The following SRPK2 variants were observed in gnomAD, a reference collection of about 807,000 sequenced individuals.
SRPK2 encodes SFRS protein kinase 2.
Under a neutral mutation model 90.8 loss-of-function variants are expected in SRPK2, and 21 were observed. The ratio of observed to expected loss-of-function variants is 0.23; its 90% CI spans 0.16 to 0.33. The LOEUF (loss-of-function observed/expected upper bound fraction) is 0.33. Ranked by LOEUF, SRPK2 falls within the 10% of genes least tolerant of loss-of-function variation. SRPK2 has a pLI of 1.00. For missense variants in SRPK2, 620 were observed against 869.0 expected (o/e 0.71, Z 3.60); for synonymous variants, 288 against 311.1 (o/e 0.93, Z 0.78).
chr7:105,284,474 A>T (rs1807790903), intron 2 of SRPK2, among the ~76,000 whole-genome samples: 1 of 152,228 alleles, frequency 6.6e-6, no homozygotes, highest in Admixed American at 6.5e-5. Flanking sequence ...CCTACTTTTA[A>T]GTATGGCAGA....
intron 6 of SRPK2, among the ~76,000 whole-genome samples, chr7:105,162,331 C>G (rs1807800103): frequency 1.3e-5 from 2 of 152,178 alleles, no homozygotes; most frequent in Non-Finnish European, 2.9e-5. Context: ...CATGAGCCAC[C>G]ACACCTGGCC....
intron 2 of SRPK2, among the ~76,000 whole-genome samples, chr7:105,351,494 AAAT>A (rs151317011): frequency 2.0e-5 from 3 of 150,626 alleles, no homozygotes; most frequent in South Asian, 4.2e-4. Flanking sequence ...TCCGTCTCAA[AAAT>A]AATAATAATA....
intron 3 of SRPK2, among the ~76,000 whole-genome samples, chr7:105,171,304 G>A (rs893103602): frequency 6.6e-6 from 1 of 152,054 alleles, no homozygotes; most frequent in East Asian, 1.9e-4. Context: ...GGACATTCCT[G>A]GGTATAAAAT....
rs199877861 is a variant in SRPK2, at chr7:105,143,111, C to T, written c.1033G>A (p.Ala345Thr). ...KLKTTGLEEA[A>T]EAETAKDNGE... ...TTGTCCTTTGCAGTCTCTGCCTCAG[C>T]CGCCTCCTCTAATCCTGTTGTTTTT... is the stretch of plus-strand genomic sequence containing the variant. The change falls in exon 10 of 16, where the codon GCT becomes ACT. Residue 345 changes from alanine to threonine, a missense_variant. By Grantham distance (58) the Ala-to-Thr change is moderately conservative (BLOSUM62 0). This residue lies in a region of SRPK2 where 243 missense variants were observed against 245.7 expected (regional missense o/e 0.99). Coordinates refer to ENST00000393651, the MANE Select transcript of SRPK2 (RefSeq NM_182692.3). 3.8e-5 allele frequency: 62 copies of T among 1,614,034 alleles called. No individual in the cohort carries two copies. Among genetic ancestry groups the T allele is most frequent in the Non-Finnish European group, 5.2e-5 (61 of 1,180,008 alleles).
intron 7 of SRPK2, among the ~76,000 whole-genome samples, chr7:105,154,186 C>T (rs932164198): frequency 2.6e-5 from 4 of 152,190 alleles, no homozygotes; most frequent in African/African-American, 9.7e-5. Flanking sequence ...TTCTGAATGT[C>T]ATCAGGAAGA....
intron 2 of SRPK2, among the ~76,000 whole-genome samples, chr7:105,311,152 A>C (rs1162719068): frequency 1.3e-5 from 2 of 152,248 alleles, no homozygotes; most frequent in Non-Finnish European, 2.9e-5. Context: ...TATATCTGAT[A>C]AGGGTCAAGA....
At chr7:105,181,397 T>C (rs1792782703) in intron 3 of SRPK2, among the ~76,000 whole-genome samples, 1 of 152,198 alleles carries the variant, frequency 6.6e-6, no homozygotes, top group Non-Finnish European at 1.5e-5. Flanking sequence ...ACTGTTCTAC[T>C]GTAAAGACAC....
intron 3 of SRPK2, among the ~76,000 whole-genome samples, chr7:105,194,363 CAAAAAAGAA>C (rs538142557): frequency 9.8e-4 from 149 of 151,912 alleles, no homozygotes; most frequent in African/African-American, 3.5e-3. Flanking sequence ...AAGAATGAGG[CAAAAAAGAA>C]TAATAATTTA....
chr7:105,161,384 G>A (rs759924086), intron 6 of SRPK2, among the ~76,000 whole-genome samples: 13 of 152,064 alleles, frequency 8.5e-5, no homozygotes, highest in Non-Finnish European at 1.8e-4. Flanking sequence ...TATGAATGGG[G>A]AACCAGCAGA....
At chr7:105,305,581 T>TA (rs144939292) in intron 2 of SRPK2, among the ~76,000 whole-genome samples, 2,521 of 152,316 alleles carry the variant, frequency 0.017, 75 homozygotes, top group African/African-American at 0.058. Flanking sequence ...CTTTAATTCT[T>TA]CTGTGTAATT....
chr7:105,149,069 C>T (rs1221677334), intron 7 of SRPK2, among the ~76,000 whole-genome samples: 1 of 152,162 alleles, frequency 6.6e-6, no homozygotes, highest in African/African-American at 2.4e-5. Context: ...CTGACCGTCC[C>T]CCAGCCCAAC....
At chr7:105,340,303 A>T (rs931326570) in intron 2 of SRPK2, among the ~76,000 whole-genome samples, 1 of 152,164 alleles carries the variant, frequency 6.6e-6, no homozygotes, top group Non-Finnish European at 1.5e-5. Context: ...GTTGTGAGCT[A>T]AAGCAGTCAA....
intron 2 of SRPK2, among the ~76,000 whole-genome samples, chr7:105,231,033 T>C (rs748592576): frequency 1.3e-5 from 2 of 152,212 alleles, no homozygotes; most frequent in African/African-American, 4.8e-5. Flanking sequence ...CAGATTATTG[T>C]AGTAAGCCTA....
chr7:105,303,286 G>A (rs1271470792), intron 2 of SRPK2, among the ~76,000 whole-genome samples: 6 of 152,062 alleles, frequency 3.9e-5, no homozygotes, highest in Non-Finnish European at 8.8e-5. Context: ...GACACAGGGC[G>A]GGGAACATCA....
intron 2 of SRPK2, among the ~76,000 whole-genome samples, chr7:105,263,455 T>C (rs943055331): frequency 6.6e-6 from 1 of 152,180 alleles, no homozygotes; most frequent in African/African-American, 2.4e-5. Context: ...GATATGAGAC[T>C]GAATTAATTA....
At chr7:105,242,839 G>T (rs1438722365) in intron 2 of SRPK2, among the ~76,000 whole-genome samples, 1 of 152,112 alleles carries the variant, frequency 6.6e-6, no homozygotes, top group Non-Finnish European at 1.5e-5. Flanking sequence ...GTGACCTCTG[G>T]CTTGACTGCA....
At chr7:105,349,823 C>T (rs1163152943) in intron 2 of SRPK2, among the ~76,000 whole-genome samples, 1 of 152,108 alleles carries the variant, frequency 6.6e-6, no homozygotes, top group Non-Finnish European at 1.5e-5. Context: ...ACCGCAACCT[C>T]CACCTCCCAG....
chr7:105,386,800 G>A (rs1586017810), intron 2 of SRPK2, among the ~76,000 whole-genome samples: 1 of 152,294 alleles, frequency 6.6e-6, no homozygotes, highest in East Asian at 1.9e-4. Flanking sequence ...ATATAATTGG[G>A]CTGGTCCCGT....
intron 2 of SRPK2, among the ~76,000 whole-genome samples, chr7:105,349,566 T>C (rs993835947): frequency 2.3e-4 from 34 of 148,936 alleles, no homozygotes; most frequent in African/African-American, 7.7e-4. Context: ...TAATAACATA[T>C]AGTAGCATTA....
Sources: allele counts gnomAD v4.1 joint callset (sites outside exome capture counted in the v4.1 genomes callset), GRCh38; gene constraint gnomAD v4.1.1; regional missense constraint gnomAD v4.1.1; transcripts MANE v1.5; gene names NCBI Gene and HGNC (gene_info 2026-07-23, HGNC 2026-07-21).